Variants in CCDC43 observed in about 807,000 individuals in gnomAD.
CCDC43 encodes coiled-coil domain containing 43.
In CCDC43, 20 loss-of-function variants were observed where a neutral mutation model predicts 33.3. The ratio of observed to expected loss-of-function variants is 0.60; its 90% CI spans 0.42 to 0.87. CCDC43 has a LOEUF of 0.87. Among genes scored for constraint, CCDC43 ranks in the 40% least tolerant of loss-of-function variants. The pLI is 0.00. For missense variants in CCDC43, 248 were observed against 269.9 expected (o/e 0.92, Z 0.57); for synonymous variants, 104 against 106.5 (o/e 0.98, Z 0.14).
In CCDC43 at chr17:44,678,809, T is replaced by A; in HGVS notation, c.*47A>T. On this transcript the variant is annotated 3_prime_UTR_variant, in exon 5 of 5. Coordinates refer to ENST00000315286, the MANE Select transcript of CCDC43 (RefSeq NM_144609.3). ...CATTTCTCTTAAATACACAACCAGT[T>A]CTCCCTTTGATAAGTTCATGGGGGG... 6.5e-7 allele frequency: 1 copy of A among 1,549,730 alleles called. No individual in the cohort carries two copies. The highest frequency in any genetic ancestry group is 1.7e-4 in the Middle Eastern group (1 of 5,830).
chr17:44,684,668 G>A (rs1972209509), intron 1 of CCDC43, among the ~76,000 whole-genome samples: 1 of 151,602 alleles, frequency 6.6e-6, no homozygotes, highest in Non-Finnish European at 1.5e-5. Context: ...CTGCACTCCA[G>A]CCTGGGAGAG....
intron 1 of CCDC43, chr17:44,688,112 A>T (rs149512779): frequency 6.6e-6 from 1 of 152,208 alleles, no homozygotes; most frequent in African/African-American, 2.4e-5. Flanking sequence ...TTTTAAAAAA[A>T]TGAGATATGA....
intron 4 of CCDC43, 142 bp from the exon 5 acceptor site, chr17:44,679,185 T>C: frequency 2.0e-6 from 1 of 506,342 alleles, no homozygotes; most frequent in South Asian, 6.8e-5. Flanking sequence ...AAAACCCTTA[T>C]GTTTATCCTT....
In CCDC43 at chr17:44,678,168, C is replaced by T. The variant is rs977621319; in HGVS notation, c.*688G>A. On this transcript the variant is annotated 3_prime_UTR_variant, in exon 5 of 5. Coordinates refer to ENST00000315286, the MANE Select transcript of CCDC43 (RefSeq NM_144609.3). ...GCACACAAGAGGATACATGATTATA[C>T]AAAATGAATCTAGCCAACAATGATA... The T allele has an allele frequency of 4.0e-4, 61 of 152,168 alleles. No individual in the cohort carries two copies. Among genetic ancestry groups the T allele is most frequent in the Admixed American group, 3.9e-3 (60 of 15,210 alleles). 9.4% of individuals were successfully genotyped at this position (152,168 alleles called of 1,614,324 possible).
chr17:44,685,797 T>G (rs2144695128), intron 1 of CCDC43, among the ~76,000 whole-genome samples: 1 of 152,320 alleles, frequency 6.6e-6, no homozygotes, highest in East Asian at 1.9e-4. Flanking sequence ...TAAGTACTAT[T>G]TTACTCTCAA....
intron 1 of CCDC43, among the ~76,000 whole-genome samples, chr17:44,686,871 A>C (rs747494783): frequency 3.9e-5 from 6 of 152,208 alleles, no homozygotes; most frequent in Non-Finnish European, 8.8e-5. Context: ...CAACCAATGC[A>C]AGTACTATTG....
chr17:44,684,063 T>C (rs1039010201), intron 1 of CCDC43, 104 bp from the exon 2 acceptor site: 14 of 738,296 alleles, frequency 1.9e-5, no homozygotes, highest in Non-Finnish European at 3.3e-5. Flanking sequence ...TGCTGTGAAA[T>C]TATGGAAGGG....
chr17:44,678,779 A>T lies in CCDC43; in HGVS notation c.*77T>A. ...GCCTTGGGAAACTACTTTGCAATGC[A>T]CTCTCATTTCTCTTAAATACACAAC... On this transcript the variant is annotated 3_prime_UTR_variant, in exon 5 of 5. Transcript: ENST00000315286. 1 of 1,394,794 alleles carries T rather than the reference A, an allele frequency of 7.2e-7. No homozygotes were observed. Among genetic ancestry groups the T allele is most frequent in the Non-Finnish European group, 9.7e-7 (1 of 1,030,576 alleles). 86.4% of individuals were successfully genotyped at this position (1,394,794 alleles called of 1,614,324 possible).
At chr17:44,683,188 G>A (rs917028552) in intron 2 of CCDC43, among the ~76,000 whole-genome samples, 2 of 152,154 alleles carry the variant, frequency 1.3e-5, no homozygotes, top group Non-Finnish European at 2.9e-5. Context: ...AGGGTAAAGT[G>A]TTTAGCTGAA....
At chr17:44,682,517 G>A (rs1013752473) in intron 2 of CCDC43, among the ~76,000 whole-genome samples, 5 of 151,686 alleles carry the variant, frequency 3.3e-5, no homozygotes, top group Admixed American at 6.6e-5. Flanking sequence ...ATCAACTTAA[G>A]CTGGTCCTGT....
At chr17:44,689,431 C>G in intron 1 of CCDC43, 119 bp downstream of exon 1, 2 of 1,428,320 alleles carry the variant, frequency 1.4e-6, no homozygotes, top group Non-Finnish European at 1.9e-6. Context: ...GAGGAGTATA[C>G]CTCTCCCAGG....
chr17:44,680,543 G>T (rs754065532), intron 4 of CCDC43, 42 bp downstream of exon 4: 2 of 1,398,240 alleles, frequency 1.4e-6, no homozygotes, highest in Admixed American at 1.7e-5. Flanking sequence ...ATCTCAAGAG[G>T]ACTCTATGGA....
intron 4 of CCDC43, 100 bp from the exon 5 acceptor site, chr17:44,679,143 A>C: frequency 1.2e-6 from 1 of 846,612 alleles, no homozygotes; most frequent in Admixed American, 3.0e-5. Context: ...CTGAGTCCTG[A>C]ATCGTCTTTA....
At chr17:44,689,186 C>G in intron 1 of CCDC43, 1 of 273,784 alleles carries the variant, frequency 3.7e-6, no homozygotes, top group Non-Finnish European at 7.1e-6. Flanking sequence ...TTTAATACCC[C>G]CAGTGAACAC....
intron 3 of CCDC43, chr17:44,681,794 A>G (rs1972166638): frequency 1.7e-6 from 1 of 575,218 alleles, no homozygotes; most frequent in Admixed American, 3.1e-5. Flanking sequence ...TTTCAGGAAT[A>G]TAATGATTAT....
rs1235252473 is a variant in CCDC43, at chr17:44,689,657, G to T, written c.97C>A (p.Leu33Met). 6.2e-7 allele frequency: 1 copy of T among 1,613,726 alleles called. No homozygotes were observed. The highest frequency in any genetic ancestry group is 8.5e-7 in the Non-Finnish European group (1 of 1,179,802). The stretch of plus-strand genomic sequence containing the variant: ...CCATAAACGGCTCGGTCCACTCCCA[G>T]TGCCTCCAACCGTCCGTCCAGCCAG... Reference protein sequence around the residue: ...GSWLDGRLEALGVDRAVYGAY... With the variant: ...GSWLDGRLEAMGVDRAVYGAY... Residue 33 changes from leucine (L) to methionine (M), a missense_variant, in exon 1 of 5, where the codon CTG becomes ATG. Transcript: ENST00000315286.
At chr17:44,681,948 C>G (rs1320225269) in intron 3 of CCDC43, 55 bp downstream of exon 3, 24 of 1,609,276 alleles carry the variant, frequency 1.5e-5, no homozygotes, top group Middle Eastern at 1.6e-4. Flanking sequence ...TGTAAACCCA[C>G]AAATATGTCT....
chr17:44,686,062 C>T (rs1253838077), intron 1 of CCDC43, among the ~76,000 whole-genome samples: 2 of 152,128 alleles, frequency 1.3e-5, no homozygotes, highest in African/African-American at 2.4e-5. Flanking sequence ...TACAGGCGCC[C>T]GCCACCACGC....
chr17:44,689,329 C>A lies in CCDC43; in HGVS notation c.204+221G>T. 6.6e-6 allele frequency: 4 copies of A among 608,860 alleles called. No individual in the cohort carries two copies. In the South Asian group the frequency reaches 8.6e-5, roughly 13 times the overall value. The allele number at this position is 608,860 out of a possible 1,614,324, so 37.7% of individuals were successfully genotyped here. ...GGAGAGGGCCTTGTCCCCAAGAATA[C>A]GAGAAAGCCCTTCCTCTCTGTGTAC... is the stretch of plus-strand genomic sequence containing the variant. On this transcript the variant is annotated intron_variant, in intron 1 of 4. Coordinates refer to ENST00000315286, the MANE Select transcript of CCDC43 (RefSeq NM_144609.3).
Sources: allele counts gnomAD v4.1 joint callset (sites outside exome capture counted in the v4.1 genomes callset), GRCh38; gene constraint gnomAD v4.1.1; transcripts MANE v1.5; gene names NCBI Gene and HGNC (gene_info 2026-07-23, HGNC 2026-07-21).